Variants in JUP observed in about 807,000 individuals in gnomAD.
The protein encoded by JUP is catenin (cadherin-associated protein), gamma 80kDa.
In JUP, 28 loss-of-function variants were observed where a neutral mutation model predicts 71.1. That is an observed-to-expected ratio of 0.39 (90% confidence interval 0.29 to 0.54). The LOEUF is 0.54. Among genes scored for constraint, JUP ranks in the 20% least tolerant of loss-of-function variants. The probability of loss-of-function intolerance (pLI) is 0.62; values close to 1 mark genes in which losing one functional copy is unlikely to be tolerated. For synonymous variants in JUP, 401 were observed against 438.9 expected (o/e 0.91, Z 1.08); for missense variants, 869 against 1,030.1 (o/e 0.84, Z 2.14).
rs533616073 is a variant in JUP at position 41,762,694 on chromosome 17, C to G, written c.1497+289G>C. Among the ~76,000 whole-genome samples, 15 of 152,272 alleles carry G rather than the reference C, an allele frequency of 9.9e-5. No individual in the cohort carries two copies. In the South Asian group the frequency reaches 3.1e-3, roughly 32 times the overall value. ...GGGATTACAGGCATGAGCCACCGTG[C>G]CTGGCCCTGGAACCTGCAATTTAAT... is the stretch of plus-strand genomic sequence containing the variant. On this transcript the variant is annotated intron_variant, in intron 8 of 13. Coordinates refer to ENST00000393931, the MANE Select transcript of JUP (RefSeq NM_002230.4).
Position 41,757,671 on chromosome 17 carries a change from T to C in JUP, c.1887A>G (p.Pro629=). The change falls in exon 11 of 14, where the codon CCA becomes CCG. Residue 629 remains proline (P), a synonymous_variant. Transcript: ENST00000393931. ...TGCGGGAGTGCAGCAACTCCATGAG[T>C]GGGGCCGAGGCCCCCTCTGCATCAA... ...DAIDAEGASA[P]LMELLHSRNE... The C allele has an allele frequency of 6.2e-7, 1 of 1,613,488 alleles. No homozygotes were observed. The highest frequency in any genetic ancestry group is 8.5e-7 in the Non-Finnish European group (1 of 1,179,736).
intron 1 of JUP, among the ~76,000 whole-genome samples, chr17:41,779,617 C>G (rs1298856847): frequency 6.6e-6 from 1 of 151,928 alleles, no homozygotes; most frequent in Non-Finnish European, 1.5e-5. Flanking sequence ...CGTGAGCCAC[C>G]GCGGCTGGCC....
At chr17:41,758,202 C>G in intron 10 of JUP, 197 bp downstream of exon 10, 1 of 563,412 alleles carries the variant, frequency 1.8e-6, no homozygotes, top group Non-Finnish European at 3.0e-6. Context: ...TTTGTGATCT[C>G]TTTCCTTGCT....
intron 1 of JUP, among the ~76,000 whole-genome samples, chr17:41,777,553 G>A (rs2046946744): frequency 1.3e-5 from 2 of 152,236 alleles, no homozygotes; most frequent in South Asian, 4.1e-4. Flanking sequence ...CAGGTTCTCT[G>A]GCAGACACTG....
At chr17:41,772,074 C>T in intron 1 of JUP, 1 of 647,642 alleles carries the variant, frequency 1.5e-6, no homozygotes, top group South Asian at 1.7e-5. Flanking sequence ...GAGCAGTGAG[C>T]CCCAGGGGTG....
chr17:41,759,312 T>G (rs1354868847), intron 8 of JUP, among the ~76,000 whole-genome samples: 3 of 152,116 alleles, frequency 2.0e-5, no homozygotes. Context: ...TGACCTCAGG[T>G]GATCCGCCTG....
chr17:41,783,610 A>G (rs1959091296), intron 1 of JUP, among the ~76,000 whole-genome samples: 1 of 152,018 alleles, frequency 6.6e-6, no homozygotes, highest in Non-Finnish European at 1.5e-5. Context: ...AGGATTAAGT[A>G]AAAATAGTTA....
rs1914215263 is a variant in JUP, at chr17:41,758,346, G to A, written c.1773+53C>T. The stretch of plus-strand genomic sequence containing the variant: ...TCCCAAATCTGGGACTCCTAACCTT[G>A]CCCTTTAAGCAGTGGTGGGGGGACC... On this transcript the variant is annotated intron_variant, in intron 10 of 13. Transcript: ENST00000393931. The A allele has an allele frequency of 3.7e-6, 6 of 1,609,634 alleles. No homozygotes were observed. The Admixed American group carries it at 5.0e-5, about 13-fold the overall frequency.
intron 7 of JUP, among the ~76,000 whole-genome samples, chr17:41,764,336 A>G (rs1266676176): frequency 2.0e-5 from 3 of 152,196 alleles, no homozygotes; most frequent in East Asian, 1.9e-4. Context: ...GGAGTTCAAG[A>G]CCAGCCTGCC....
chr17:41,774,599 G>A (rs999077552), intron 1 of JUP, among the ~76,000 whole-genome samples: 2 of 152,046 alleles, frequency 1.3e-5, no homozygotes, highest in African/African-American at 2.4e-5. Context: ...CTCCCAAAGT[G>A]CTGGGATTAT....
At chr17:41,757,850 C>T in intron 10 of JUP, 66 bp from the exon 11 acceptor site, 1 of 1,354,678 alleles carries the variant, frequency 7.4e-7, no homozygotes, top group Non-Finnish European at 1.0e-6. Flanking sequence ...GGACAACACA[C>T]CCCACAGCAC....
chr17:41,777,299 C>T (rs2143819187), intron 1 of JUP, among the ~76,000 whole-genome samples: 1 of 151,784 alleles, frequency 6.6e-6, no homozygotes, highest in Admixed American at 6.5e-5. Flanking sequence ...GAACATTCCC[C>T]ACATAGCAGT....
chr17:41,766,291 A>G (rs535839761), intron 5 of JUP, among the ~76,000 whole-genome samples: 1 of 151,224 alleles, frequency 6.6e-6, no homozygotes, highest in East Asian at 2.0e-4. Context: ...GGAAGGAAGA[A>G]AGAGAGGAAG....
At position 41,755,359 on chromosome 17, in the gene JUP, G is replaced by A; in HGVS notation, c.*385C>T. On this transcript the variant is annotated 3_prime_UTR_variant, in exon 14 of 14. Coordinates refer to ENST00000393931, the MANE Select transcript of JUP (RefSeq NM_002230.4). ...GGGTGCAGCAGGAAGTTACACCCCG[G>A]CTTCCCCAGCTCAGGCACTTTTCTG... The A allele has an allele frequency of 2.5e-6, 1 of 404,596 alleles. No homozygotes were observed. The allele number at this position is 404,596 out of a possible 1,614,324, so 25.1% of individuals were successfully genotyped here.
At chr17:41,758,367 G>A (rs1555599338) in intron 10 of JUP, 32 bp downstream of exon 10, 1 of 1,611,678 alleles carries the variant, frequency 6.2e-7, no homozygotes, top group Non-Finnish European at 8.5e-7. Context: ...AGTGGTGGGG[G>A]GACCTCTCCT....
rs782477974 is a variant in JUP at position 41,758,745 on chromosome 17, G to A, written c.1623C>T (p.His541=). 1.3e-5 allele frequency: 21 copies of A among 1,605,986 alleles called. No homozygotes were observed. Among genetic ancestry groups the A allele is most frequent in the East Asian group, 4.5e-5 (2 of 44,492 alleles). The stretch of plus-strand genomic sequence containing the variant: ...AGGGCTGCTGTGTGCCTGCAGCTAC[G>A]TGGCGCTGGGCATCCTGGTGGGCCT... The part of the protein sequence containing the change: ...LVKAHQDAQR[H]VAAGTQQPYT... Residue 541 remains histidine (H), a synonymous_variant, in exon 9 of 14, where the codon CAC becomes CAT. Transcript: ENST00000393931.
At chr17:41,784,781 C>T (rs1276644350) in intron 1 of JUP, among the ~76,000 whole-genome samples, 1 of 152,128 alleles carries the variant, frequency 6.6e-6, no homozygotes, top group African/African-American at 2.4e-5. Flanking sequence ...GTAGACTCTT[C>T]CCCTCCAAGC....
At chr17:41,766,090 A>T (rs182543993) in intron 5 of JUP, among the ~76,000 whole-genome samples, 4 of 152,024 alleles carry the variant, frequency 2.6e-5, no homozygotes, top group Admixed American at 1.3e-4. Flanking sequence ...AAAATTTAAA[A>T]CTTAGCCCGG....
chr17:41,777,642 T>C (rs2143822890), intron 1 of JUP, among the ~76,000 whole-genome samples: 1 of 152,300 alleles, frequency 6.6e-6, no homozygotes, highest in Middle Eastern at 3.4e-3. Context: ...GTCTTAGGCT[T>C]CCGGAGGAAA....
Sources: allele counts gnomAD v4.1 joint callset (sites outside exome capture counted in the v4.1 genomes callset), GRCh38; gene constraint gnomAD v4.1.1; transcripts MANE v1.5; gene names NCBI Gene and HGNC (gene_info 2026-07-23, HGNC 2026-07-21).